Variants in GPM6A observed in about 807,000 individuals in gnomAD.
GPM6A encodes the protein glycoprotein M6A, also known as neuronal membrane glycoprotein M6-a.
A neutral mutation model predicts 32.1 loss-of-function variants in GPM6A; 7 were observed. The ratio of observed to expected loss-of-function variants is 0.22; its 90% CI spans 0.12 to 0.41. The LOEUF (loss-of-function observed/expected upper bound fraction) is 0.41, where lower values mean the gene tolerates loss of function less well. Among genes scored for constraint, GPM6A ranks in the 10% least tolerant of loss-of-function variants. The pLI, the probability that GPM6A is intolerant of heterozygous loss-of-function variation, is 1.00. For missense variants in GPM6A, 235 were observed against 347.2 expected (o/e 0.68, Z 2.57); for synonymous variants, 130 against 123.4 (o/e 1.05, Z -0.35).
At chr4:175,799,247 G>A (rs1560939344) in intron 1 of GPM6A, among the ~76,000 whole-genome samples, 2 of 152,066 alleles carry the variant, frequency 1.3e-5, no homozygotes, top group Non-Finnish European at 2.9e-5. Flanking sequence ...AGTATCACAG[G>A]CATCAACCCT....
chr4:175,881,840 G>T (rs1020023664), intron 1 of GPM6A, among the ~76,000 whole-genome samples: 1 of 151,566 alleles, frequency 6.6e-6, no homozygotes, highest in African/African-American at 2.4e-5. Flanking sequence ...GGGGCCTGTT[G>T]CAGGGTGGGA....
intron 1 of GPM6A, among the ~76,000 whole-genome samples, chr4:175,880,270 T>C (rs142787819): frequency 0.19 from 29,398 of 152,166 alleles, 2,987 homozygotes; most frequent in South Asian, 0.37. Flanking sequence ...ACCAGTACTA[T>C]GCTGTTTTGG....
chr4:175,887,892 A>G (rs1336714033), intron 1 of GPM6A, among the ~76,000 whole-genome samples: 3 of 151,928 alleles, frequency 2.0e-5, no homozygotes, highest in Non-Finnish European at 3.0e-5. Context: ...ATATTATTAA[A>G]TAAGGGCCCC....
intron 3 of GPM6A, among the ~76,000 whole-genome samples, chr4:175,668,745 A>G (rs1487990622): frequency 6.6e-6 from 1 of 152,178 alleles, no homozygotes; most frequent in Admixed American, 6.5e-5. Flanking sequence ...TATTGTTGAT[A>G]AAAGCAAAGA....
intron 1 of GPM6A, among the ~76,000 whole-genome samples, chr4:175,818,891 A>G (rs1432649492): frequency 6.6e-6 from 1 of 152,216 alleles, no homozygotes; most frequent in Non-Finnish European, 1.5e-5. Flanking sequence ...AGGAAGGGAA[A>G]GCTGTATTGT....
chr4:175,932,260 G>C (rs1292490415), intron 1 of GPM6A, among the ~76,000 whole-genome samples: 1 of 152,118 alleles, frequency 6.6e-6, no homozygotes, highest in African/African-American at 2.4e-5. Context: ...TAAACCCTGA[G>C]GGCTCTTCCA....
At chr4:175,723,597 C>T (rs1262525439) in intron 1 of GPM6A, among the ~76,000 whole-genome samples, 1 of 151,990 alleles carries the variant, frequency 6.6e-6, no homozygotes, top group Non-Finnish European at 1.5e-5. Flanking sequence ...AGAAATTGAA[C>T]TCATAAACTT....
intron 1 of GPM6A, among the ~76,000 whole-genome samples, chr4:175,992,060 G>GCACGCGCACA (rs71770965): frequency 2.3e-4 from 31 of 137,146 alleles, no homozygotes; most frequent in African/African-American, 7.2e-4. Flanking sequence ...AAACACACAT[G>GCACGCGCACA]CACACACACA....
intron 1 of GPM6A, among the ~76,000 whole-genome samples, chr4:175,932,503 A>G (rs1278015434): frequency 6.6e-6 from 1 of 152,234 alleles, no homozygotes; most frequent in East Asian, 1.9e-4. Flanking sequence ...CATTCTTTAT[A>G]AATTGCCCAG....
intron 1 of GPM6A, among the ~76,000 whole-genome samples, chr4:175,718,792 C>G (rs1020449290): frequency 1.3e-5 from 2 of 152,082 alleles, no homozygotes; most frequent in Admixed American, 6.6e-5. Context: ...AAATACAAAT[C>G]ATTTTAACAG....
At chr4:175,745,537 C>T (rs1216606355) in intron 1 of GPM6A, among the ~76,000 whole-genome samples, 1 of 152,126 alleles carries the variant, frequency 6.6e-6, no homozygotes, top group Non-Finnish European at 1.5e-5. Context: ...AGAGCAAGTC[C>T]CTGCCTCAAA....
chr4:175,673,928 G>T lies in GPM6A; in HGVS notation c.231-92C>A, dbSNP rs186613027. 4.0e-6 allele frequency: 3 copies of T among 750,200 alleles called. No individual in the cohort carries two copies. In the Admixed American group the frequency reaches 8.3e-5, roughly 21 times the overall value. The allele number at this position is 750,200 out of a possible 1,614,324, so 46.5% of individuals were successfully genotyped here. ...CACATGCTCATGATTCTTTTGGAAT[G>T]AAAGTTATAGAATATTTATATTCAT... On this transcript the variant is annotated intron_variant, in intron 2 of 6. Coordinates refer to ENST00000393658, the MANE Select transcript of GPM6A (RefSeq NM_201591.3).
At position 175,809,839 on chromosome 4, in the gene GPM6A, A is replaced by T. The variant is rs571795856; in HGVS notation, c.37+2352T>A. 5.9e-5 allele frequency among the ~76,000 whole-genome samples: 9 copies of T among 152,354 alleles called. No homozygotes were observed. The South Asian group carries it at 1.9e-3, about 32-fold the overall frequency. ...TTTCGAACATAGCAAATTGCAATTA[A>T]TTAATGAATCCACTGAATTTTACCT... On this transcript the variant is annotated intron_variant, in intron 1 of 6. Coordinates refer to ENST00000393658, the MANE Select transcript of GPM6A (RefSeq NM_201591.3).
At chr4:175,802,995 G>T (rs747898239) in intron 1 of GPM6A, among the ~76,000 whole-genome samples, 1 of 152,096 alleles carries the variant, frequency 6.6e-6, no homozygotes. Context: ...AGTCCTTGCT[G>T]CATTCTCCCA....
At chr4:175,639,796 G>A (rs975599991) in intron 6 of GPM6A, among the ~76,000 whole-genome samples, 1 of 151,872 alleles carries the variant, frequency 6.6e-6, no homozygotes, top group African/African-American at 2.4e-5. Flanking sequence ...GGAAAAAAAA[G>A]TAAATCAAGG....
At chr4:175,657,999 A>G (rs73875110) in intron 3 of GPM6A, among the ~76,000 whole-genome samples, 7,584 of 152,292 alleles carry the variant, frequency 0.05, 215 homozygotes, top group Non-Finnish European at 0.061. Context: ...TTACTAAATC[A>G]TTATGTAAAT....
At chr4:175,710,510 G>A (rs182372312) in intron 1 of GPM6A, among the ~76,000 whole-genome samples, 5 of 151,600 alleles carry the variant, frequency 3.3e-5, no homozygotes, top group African/African-American at 1.2e-4. Context: ...TAAATCTTCT[G>A]TATGTTATCT....
At chr4:175,887,840 C>T (rs1431614601) in intron 1 of GPM6A, among the ~76,000 whole-genome samples, 1 of 151,766 alleles carries the variant, frequency 6.6e-6, no homozygotes, top group East Asian at 1.9e-4. Context: ...TTTCAATAAT[C>T]AATAGTTAAA....
At chr4:175,668,853 G>C (rs1194837885) in intron 3 of GPM6A, among the ~76,000 whole-genome samples, 9 of 152,090 alleles carry the variant, frequency 5.9e-5, no homozygotes, top group Non-Finnish European at 1.3e-4. Context: ...AGTTATAAAA[G>C]ACCCTCGTAA....
Sources: gnomAD v4.1 joint callset for allele counts (sites outside exome capture counted in the v4.1 genomes callset) on GRCh38, gnomAD v4.1.1 for gene constraint, MANE v1.5 for transcripts, NCBI Gene and HGNC (gene_info 2026-07-23, HGNC 2026-07-21) for gene names.